The following LINGO2 variants were observed in gnomAD, a reference collection of about 807,000 sequenced individuals.
The protein encoded by LINGO2 is leucine-rich repeat and immunoglobulin-like domain-containing nogo receptor-interacting protein 2.
In LINGO2, 14 loss-of-function variants were observed where a neutral mutation model predicts 30.6. The observed-to-expected ratio is 0.46, with a 90% CI of 0.30 to 0.72. The LOEUF is 0.72. LINGO2 is among the 30% of genes least tolerant of loss of function. The probability of loss-of-function intolerance (pLI) is 0.07; values close to 1 mark genes in which losing one functional copy is unlikely to be tolerated. For synonymous variants in LINGO2, 317 were observed against 288.5 expected, an observed-to-expected ratio of 1.10 and a Z score of -1.00; for missense variants, 729 against 751.7, an observed-to-expected ratio of 0.97 and a Z score of 0.35.
chr9:28,780,565 T>C, the LINGO2 span, among the ~76,000 whole-genome samples: 1 of 152,176 alleles, frequency 6.6e-6, no homozygotes, highest in African/African-American at 2.4e-5. Context: ...GGCCTCTGTC[T>C]AGCTCTTTCT....
At chr9:28,747,958 A>G in the LINGO2 span, among the ~76,000 whole-genome samples, 1 of 152,076 alleles carries the variant, frequency 6.6e-6, no homozygotes, top group African/African-American at 2.4e-5. Flanking sequence ...CGAGTCAAAA[A>G]TTTCCATCCT....
the LINGO2 span, among the ~76,000 whole-genome samples, chr9:28,870,923 T>A: frequency 6.6e-6 from 1 of 152,126 alleles, no homozygotes; most frequent in Admixed American, 6.6e-5. Flanking sequence ...ATAGAAATTT[T>A]GTTTCATTAA....
chr9:28,304,023 T>A (rs1272898779), intron 3 of LINGO2, among the ~76,000 whole-genome samples: 1 of 152,050 alleles, frequency 6.6e-6, no homozygotes, highest in Admixed American at 6.6e-5. Context: ...GATAGATGCA[T>A]AACAATGATA....
At chr9:28,001,518 G>A (rs1227846042) in intron 5 of LINGO2, among the ~76,000 whole-genome samples, 1 of 143,758 alleles carries the variant, frequency 7.0e-6, no homozygotes, top group Non-Finnish European at 1.6e-5. Flanking sequence ...CCAATCTTCT[G>A]CGCCTGTGTT....
the LINGO2 span, among the ~76,000 whole-genome samples, chr9:28,813,967 G>A: frequency 6.6e-6 from 1 of 152,082 alleles, no homozygotes; most frequent in South Asian, 2.1e-4. Context: ...AAATGAAGAT[G>A]TAAAAAGAAG....
rs114876644 is a variant in LINGO2 at position 28,582,589 on chromosome 9, G to C, written c.-365+87611C>G. On this transcript the variant is annotated intron_variant, in intron 1 of 5. Transcript: ENST00000379992. ...TTCTGAGATCCAGCCATCAATAAGA[G>C]CTTTAATCCAGTGACCACTCTAACA... Among the ~76,000 whole-genome samples the C allele has an allele frequency of 5.8e-3, 878 of 152,154 alleles. 9 individuals carry two copies. Among genetic ancestry groups the C allele is most frequent in the African/African-American group, 0.02 (851 of 41,544 alleles).
chr9:29,194,513 A>T, the LINGO2 span, among the ~76,000 whole-genome samples: 11 of 152,304 alleles, frequency 7.2e-5, no homozygotes, highest in South Asian at 6.2e-4. Context: ...TCTGTCTTTG[A>T]TCTGCTATCT....
intron 5 of LINGO2, among the ~76,000 whole-genome samples, chr9:28,001,177 T>A (rs1340421534): frequency 6.6e-6 from 1 of 152,164 alleles, no homozygotes; most frequent in African/African-American, 2.4e-5. Context: ...TCAAATGAAA[T>A]CTTATTCAGA....
chr9:28,840,890 C>A, the LINGO2 span, among the ~76,000 whole-genome samples: 1 of 151,780 alleles, frequency 6.6e-6, no homozygotes, highest in African/African-American at 2.4e-5. Context: ...TTATTATGTT[C>A]TAACAACACT....
At chr9:28,742,017 C>T in the LINGO2 span, among the ~76,000 whole-genome samples, 1 of 151,984 alleles carries the variant, frequency 6.6e-6, no homozygotes, top group Non-Finnish European at 1.5e-5. Flanking sequence ...GAGCCTAGGA[C>T]TGTGGGATCC....
the LINGO2 span, among the ~76,000 whole-genome samples, chr9:29,057,842 GA>G: frequency 6.6e-6 from 1 of 152,076 alleles, no homozygotes; most frequent in South Asian, 2.1e-4. Flanking sequence ...AATCAGCATG[GA>G]AAGTATTAAA....
At chr9:28,752,216 G>T in the LINGO2 span, among the ~76,000 whole-genome samples, 1 of 151,910 alleles carries the variant, frequency 6.6e-6, no homozygotes, top group Non-Finnish European at 1.5e-5. Context: ...TCAGGAGGTA[G>T]TAAAATGGCA....
At chr9:28,740,111 G>A in the LINGO2 span, among the ~76,000 whole-genome samples, 4 of 150,426 alleles carry the variant, frequency 2.7e-5, no homozygotes, top group Non-Finnish European at 3.0e-5. Context: ...TATGTGTTGC[G>A]TGATCTTAAT....
intron 3 of LINGO2, among the ~76,000 whole-genome samples, chr9:28,368,576 T>TC (rs1192528095): frequency 8.0e-6 from 1 of 125,598 alleles, no homozygotes; most frequent in African/African-American, 3.2e-5. Context: ...GCCTTCTTTC[T>TC]TTCTCTTCTT....
At chr9:28,382,234 C>T (rs573572044) in intron 2 of LINGO2, among the ~76,000 whole-genome samples, 1 of 152,214 alleles carries the variant, frequency 6.6e-6, no homozygotes, top group Non-Finnish European at 1.5e-5. Flanking sequence ...GATTATTAAG[C>T]TATCTCAGCT....
chr9:28,493,922 G>A (rs184463354), intron 1 of LINGO2, among the ~76,000 whole-genome samples: 166 of 152,208 alleles, frequency 1.1e-3, no homozygotes, highest in African/African-American at 3.8e-3. Flanking sequence ...TCAGTTTTGG[G>A]ACTTGACTGG....
chr9:28,493,606 T>A (rs554291056), intron 1 of LINGO2, among the ~76,000 whole-genome samples: 1 of 152,210 alleles, frequency 6.6e-6, no homozygotes, highest in Non-Finnish European at 1.5e-5. Flanking sequence ...ATAACAAAAA[T>A]CTAATAAAAT....
chr9:29,017,658 A>T, the LINGO2 span, among the ~76,000 whole-genome samples: 1 of 152,082 alleles, frequency 6.6e-6, no homozygotes, highest in Non-Finnish European at 1.5e-5. Flanking sequence ...CAGAGAACAG[A>T]GAAGAACAAA....
At chr9:28,880,095 C>T in the LINGO2 span, among the ~76,000 whole-genome samples, 3 of 152,046 alleles carry the variant, frequency 2.0e-5, no homozygotes, top group Non-Finnish European at 2.9e-5. Context: ...TGAACTCTGC[C>T]CTTAGAAGAA....
Sources: allele counts gnomAD v4.1 joint callset (sites outside exome capture counted in the v4.1 genomes callset), GRCh38; gene constraint gnomAD v4.1.1; transcripts MANE v1.5; gene names NCBI Gene and HGNC (gene_info 2026-07-23, HGNC 2026-07-21).